The following DPH6 variants were observed in gnomAD, a reference collection of about 807,000 sequenced individuals.
The protein encoded by DPH6 is diphthine--ammonia ligase.
In DPH6, 33 loss-of-function variants were observed where a neutral mutation model predicts 38.2. The observed-to-expected ratio is 0.86, with a 90% CI of 0.65 to 1.15. The LOEUF (loss-of-function observed/expected upper bound fraction) is 1.15, where lower values mean the gene tolerates loss of function less well. DPH6 is among the 50% of genes most tolerant of loss of function. The probability of loss-of-function intolerance (pLI) is 0.00; values close to 1 mark genes in which losing one functional copy is unlikely to be tolerated. For missense variants in DPH6, 325 were observed against 320.0 expected (o/e 1.02, Z -0.12); for synonymous variants, 108 against 103.0 (o/e 1.05, Z -0.30).
At chr15:35,294,978 C>T (rs2052005757) in intron 3 of DPH6, among the ~76,000 whole-genome samples, 1 of 152,164 alleles carries the variant, frequency 6.6e-6, no homozygotes, top group Non-Finnish European at 1.5e-5. Flanking sequence ...CTCACAGTCC[C>T]AATCCTCCCT....
chr15:35,326,389 C>T (rs1315398594), downstream of DPH6, among the ~76,000 whole-genome samples: 1 of 151,936 alleles, frequency 6.6e-6, no homozygotes, highest in Non-Finnish European at 1.5e-5. Context: ...TCAGTTTTTA[C>T]TTTTAGTTTC....
chr15:35,410,090 A>G (rs954196558), intron 6 of DPH6, among the ~76,000 whole-genome samples: 1 of 151,882 alleles, frequency 6.6e-6, no homozygotes, highest in African/African-American at 2.4e-5. Context: ...GTATTAACAA[A>G]GCCTAGAGAC....
At chr15:35,249,840 G>A (rs1173569774) in intron 3 of DPH6, among the ~76,000 whole-genome samples, 1 of 152,138 alleles carries the variant, frequency 6.6e-6, no homozygotes, top group Non-Finnish European at 1.5e-5. Flanking sequence ...AAAGTAGCAG[G>A]AAGAACAGTT....
chr15:35,386,360 C>G (rs890293230), intron 6 of DPH6, among the ~76,000 whole-genome samples: 1 of 152,130 alleles, frequency 6.6e-6, no homozygotes, highest in Non-Finnish European at 1.5e-5. Flanking sequence ...TGGGTATATA[C>G]CCAGTAATGG....
chr15:35,327,725 T>G (rs1393242484), downstream of DPH6, among the ~76,000 whole-genome samples: 1 of 152,188 alleles, frequency 6.6e-6, no homozygotes, highest in African/African-American at 2.4e-5. Context: ...GAGACTTTGG[T>G]CTCTAACTTC....
Position 35,256,355 on chromosome 15 carries a change from T to C in DPH6, n.201-35773A>G, listed in dbSNP as rs114898126. Among the ~76,000 whole-genome samples the C allele has an allele frequency of 1.6e-3, 244 of 152,338 alleles. 1 individual carries two copies. Among genetic ancestry groups the C allele is most frequent in the East Asian group, 4.2e-3 (22 of 5,186 alleles). ...TTTGATGACCTTGACAGTTTTGTAGTACTAGTCAGATACTTTTCTAGATTG... is the reference window on the plus strand; with the variant it reads ...TTTGATGACCTTGACAGTTTTGTAGCACTAGTCAGATACTTTTCTAGATTG... On this transcript the variant is annotated intron_variant and non_coding_transcript_variant, in intron 3 of 3. Coordinates refer to the DPH6 transcript ENST00000560386.
At chr15:35,475,538 CA>C (rs2054253801) in intron 3 of DPH6, among the ~76,000 whole-genome samples, 1 of 151,858 alleles carries the variant, frequency 6.6e-6, no homozygotes, top group Non-Finnish European at 1.5e-5. Context: ...ATTGTGGAAA[CA>C]TTGGTTAAAA....
intron 6 of DPH6, among the ~76,000 whole-genome samples, chr15:35,390,632 A>T (rs1363624933): frequency 2.0e-5 from 3 of 152,032 alleles, no homozygotes; most frequent in Admixed American, 6.6e-5. Context: ...AGTTGATCAC[A>T]TCGGTTACTG....
chr15:35,333,216 G>A (rs2140864423), intron 3 of DPH6, among the ~76,000 whole-genome samples: 1 of 152,272 alleles, frequency 6.6e-6, no homozygotes, highest in South Asian at 2.1e-4. Context: ...ATGGCAAACA[G>A]ATTGATATTG....
intron 3 of DPH6, among the ~76,000 whole-genome samples, chr15:35,359,439 G>T (rs943600704): frequency 6.6e-6 from 1 of 152,182 alleles, no homozygotes; most frequent in Non-Finnish European, 1.5e-5. Flanking sequence ...TTCAGCTAGA[G>T]ATTTGCTTCT....
chr15:35,496,555 C>CAAAAAAAAAAAAAAAAAAAAA (rs1180094812), intron 3 of DPH6, among the ~76,000 whole-genome samples: 3 of 49,258 alleles, frequency 6.1e-5, no homozygotes, highest in African/African-American at 1.2e-4. Flanking sequence ...AGTTCCATCT[C>CAAAAAAAAAAAAAAAAAAAAA]AAAAAAAAAA....
the DPH6 span, among the ~76,000 whole-genome samples, chr15:35,163,804 G>A: frequency 6.6e-6 from 1 of 151,800 alleles, no homozygotes; most frequent in African/African-American, 2.4e-5. Context: ...TTGCTTGGTT[G>A]GCCTTGAACA....
the DPH6 span, among the ~76,000 whole-genome samples, chr15:35,182,104 T>A: frequency 2.0e-5 from 3 of 151,954 alleles, no homozygotes; most frequent in East Asian, 5.8e-4. Flanking sequence ...TTGTTTTGGT[T>A]GTATAGTTGT....
At position 35,452,039 on chromosome 15, in the gene DPH6, T is replaced by C. The variant is rs575014071; in HGVS notation, c.387-1236A>G. ...AACAAACAAACAAAAAAAGAAGACA[T>C]AAAATAGATCATAGGATTCCTCTGC... On this transcript the variant is annotated intron_variant, in intron 4 of 8. Transcript: ENST00000256538. Among the ~76,000 whole-genome samples, 64 of 151,796 alleles carry C rather than the reference T, an allele frequency of 4.2e-4. 2 individuals carry two copies. In the South Asian group the frequency reaches 0.013, roughly 31 times the overall value.
chr15:35,325,745 T>C (rs1385682437), intron 3 of DPH6, among the ~76,000 whole-genome samples: 2 of 152,116 alleles, frequency 1.3e-5, no homozygotes, highest in South Asian at 4.1e-4. Flanking sequence ...TGCACTAAAT[T>C]GACAAATTCT....
At chr15:35,484,256 T>C (rs2054366735) in intron 3 of DPH6, among the ~76,000 whole-genome samples, 1 of 152,234 alleles carries the variant, frequency 6.6e-6, no homozygotes, top group Admixed American at 6.5e-5. Flanking sequence ...CATCTGAGTA[T>C]ATTAGCAACC....
the DPH6 span, among the ~76,000 whole-genome samples, chr15:35,162,576 C>A: frequency 2.6e-5 from 4 of 151,846 alleles, no homozygotes; most frequent in East Asian, 7.7e-4. Flanking sequence ...CTCACAAAGG[C>A]CTTTCTTGAA....
intron 3 of DPH6, chr15:35,489,695 C>G: frequency 1.0e-6 from 1 of 973,192 alleles, no homozygotes; most frequent in Non-Finnish European, 1.2e-6. Context: ...TCTCTTTTGT[C>G]TAATAATAAA....
the DPH6 span, among the ~76,000 whole-genome samples, chr15:35,190,373 G>A: frequency 1.3e-5 from 2 of 152,328 alleles, no homozygotes; most frequent in Admixed American, 1.3e-4. Context: ...GGATAAGTTG[G>A]TGGGTAGGGG....
Sources: gnomAD v4.1 joint callset for allele counts (sites outside exome capture counted in the v4.1 genomes callset) on GRCh38, gnomAD v4.1.1 for gene constraint, MANE v1.5 for transcripts, NCBI Gene and HGNC (gene_info 2026-07-23, HGNC 2026-07-21) for gene names.